SWAP70: variants seen among roughly 807,000 people sequenced by gnomAD.
The protein encoded by SWAP70 is switching B cell complex subunit SWAP70.
Under a neutral mutation model 80.2 loss-of-function variants are expected in SWAP70, and 34 were observed. The observed-to-expected ratio is 0.42, with a 90% confidence interval of 0.32 to 0.56. SWAP70 has a LOEUF of 0.56. Ranked by LOEUF, SWAP70 falls within the 20% of genes least tolerant of loss-of-function variation. SWAP70 has a pLI of 0.09. For missense variants in SWAP70, 578 were observed against 690.7 expected (o/e 0.84, Z 1.83); for synonymous variants, 239 against 238.5 (o/e 1.00, Z -0.02).
chr11:9,707,411 G>C (rs984878947), intron 2 of SWAP70, among the ~76,000 whole-genome samples: 11 of 133,656 alleles, frequency 8.2e-5, no homozygotes, highest in African/African-American at 2.2e-4. Flanking sequence ...GAATCATGCT[G>C]TATTTGTCTT....
At chr11:9,671,942 A>G (rs1807877924) in intron 1 of SWAP70, among the ~76,000 whole-genome samples, 1 of 110,350 alleles carries the variant, frequency 9.1e-6, no homozygotes, top group Non-Finnish European at 1.6e-5. Flanking sequence ...TTTATAATAT[A>G]TTTTATAATA....
Position 9,699,453 on chromosome 11 carries a change from G to A in SWAP70, c.240+5167G>A, listed in dbSNP as rs992861357. Among the ~76,000 whole-genome samples the A allele has an allele frequency of 2.0e-5, 3 of 151,708 alleles. No homozygotes were observed. In the East Asian group the frequency reaches 5.8e-4, roughly 29 times the overall value. On this transcript the variant is annotated intron_variant, in intron 2 of 11. Transcript: ENST00000318950. Reference sequence around the variant, plus strand: ...TTTGTGTTCTATAGTTTTATTATATGTAAATATGTCTAATATGTCAAATAT... The same window carrying A: ...TTTGTGTTCTATAGTTTTATTATATATAAATATGTCTAATATGTCAAATAT...
intron 1 of SWAP70, among the ~76,000 whole-genome samples, chr11:9,683,099 T>A (rs1850587982): frequency 6.6e-6 from 1 of 152,216 alleles, no homozygotes; most frequent in African/African-American, 2.4e-5. Flanking sequence ...TTTGAAGAAC[T>A]TAGAAACTAT....
intron 4 of SWAP70, among the ~76,000 whole-genome samples, chr11:9,727,660 C>G (rs1358121095): frequency 6.6e-6 from 1 of 152,136 alleles, no homozygotes; most frequent in Non-Finnish European, 1.5e-5. Context: ...CTAATCCTAC[C>G]CCACCTACTT....
chr11:9,737,819 C>T (rs1282777302), intron 7 of SWAP70, among the ~76,000 whole-genome samples: 9 of 152,228 alleles, frequency 5.9e-5, no homozygotes, highest in Non-Finnish European at 4.4e-5. Flanking sequence ...TCACTTGAAC[C>T]TGGGAGGTGG....
chr11:9,734,760 C>T (rs1358431383), intron 7 of SWAP70, among the ~76,000 whole-genome samples: 3 of 152,112 alleles, frequency 2.0e-5, no homozygotes, highest in Non-Finnish European at 4.4e-5. Context: ...GTAGCTGGGA[C>T]TACAGGTGTG....
chr11:9,738,368 G>A, intron 8 of SWAP70, 48 bp downstream of exon 8: 1 of 1,471,758 alleles, frequency 6.8e-7, no homozygotes, highest in African/African-American at 1.4e-5. Flanking sequence ...CTCAGCCTGG[G>A]TCGGTGGGAA....
rs770528360 is a variant in SWAP70 at position 9,664,221 on chromosome 11, C to T, written c.42C>T (p.His14=). 4 of 1,594,464 alleles carry T rather than the reference C, an allele frequency of 2.5e-6. No homozygotes were observed. The highest frequency in any genetic ancestry group is 2.3e-5 in the South Asian group (2 of 87,650). Residue 14 remains histidine (H), a synonymous_variant, in exon 1 of 12, where the codon CAC becomes CAT. Coordinates refer to ENST00000318950, the MANE Select transcript of SWAP70 (RefSeq NM_015055.4). ...AGGAGCTGCTCAAAGCCATCTGGCA[C>T]GCCTTCACCGCACTCGACCAGGACC... The part of the protein sequence containing the change: ...LKEELLKAIW[H]AFTALDQDHS...
intron 2 of SWAP70, among the ~76,000 whole-genome samples, chr11:9,698,267 A>C (rs1850786330): frequency 6.6e-6 from 1 of 151,616 alleles, no homozygotes; most frequent in African/African-American, 2.4e-5. Flanking sequence ...CGCCTGGCTG[A>C]TTTTTGCATT....
chr11:9,668,557 T>G (rs1850336576), intron 1 of SWAP70, among the ~76,000 whole-genome samples: 1 of 152,208 alleles, frequency 6.6e-6, no homozygotes, highest in South Asian at 2.1e-4. Context: ...AGTTTTTGCC[T>G]TAATTTGTTG....
At chr11:9,725,559 ATATATATATAT>A (rs1564829532) in intron 4 of SWAP70, among the ~76,000 whole-genome samples, 2 of 11,850 alleles carry the variant, frequency 1.7e-4, no homozygotes, top group African/African-American at 6.7e-4. Flanking sequence ...ATATATATAT[ATATATATATAT>A]TTTTTTTTTT....
In SWAP70 at chr11:9,713,685, A is replaced by G. The variant is rs994046619; in HGVS notation, c.414+46A>G. The G allele has an allele frequency of 1.9e-6, 3 of 1,570,416 alleles. No individual in the cohort carries two copies. In the African/African-American group the frequency reaches 4.1e-5, roughly 21 times the overall value. On this transcript the variant is annotated intron_variant, in intron 3 of 11. Coordinates refer to ENST00000318950, the MANE Select transcript of SWAP70 (RefSeq NM_015055.4). ...TTTTTACTTGGTCATTTTAGCATTT[A>G]ATAGACCTGGCTTGGTATTTTTTCT...
At chr11:9,664,309 G>A in intron 1 of SWAP70, 31 bp downstream of exon 1, 1 of 1,419,914 alleles carries the variant, frequency 7.0e-7, no homozygotes, top group Non-Finnish European at 9.4e-7. Context: ...CCCCCCACCC[G>A]ACCCTCCCCG....
At chr11:9,722,379 C>T (rs1338108570) in intron 3 of SWAP70, among the ~76,000 whole-genome samples, 12 of 152,174 alleles carry the variant, frequency 7.9e-5, no homozygotes, top group Non-Finnish European at 7.3e-5. Flanking sequence ...AGTGAAAATA[C>T]GTTAAGTGCA....
chr11:9,744,119 C>A (rs367700174), intron 9 of SWAP70, among the ~76,000 whole-genome samples: 1 of 152,054 alleles, frequency 6.6e-6, no homozygotes, highest in African/African-American at 2.4e-5. Context: ...CCTGCCACCA[C>A]GCCCAGCTAA....
chr11:9,685,102 C>T (rs892602182), intron 1 of SWAP70, among the ~76,000 whole-genome samples: 1 of 151,498 alleles, frequency 6.6e-6, no homozygotes, highest in African/African-American at 2.4e-5. Context: ...CTTTGTTGTC[C>T]ATTAGGGTGA....
intron 7 of SWAP70, among the ~76,000 whole-genome samples, chr11:9,733,154 A>T (rs118077862): frequency 1.8e-4 from 27 of 152,302 alleles, no homozygotes; most frequent in Non-Finnish European, 3.7e-4. Flanking sequence ...TTAAAGATAC[A>T]GTCTGGGTCA....
At chr11:9,699,758 A>G (rs2134454061) in intron 2 of SWAP70, among the ~76,000 whole-genome samples, 1 of 152,086 alleles carries the variant, frequency 6.6e-6, no homozygotes, top group African/African-American at 2.4e-5. Flanking sequence ...TGAGAGACTG[A>G]GGTGGGAGGA....
intron 2 of SWAP70, among the ~76,000 whole-genome samples, chr11:9,707,555 TTC>T (rs869177020): frequency 0.13 from 11,917 of 91,584 alleles, 921 homozygotes; most frequent in African/African-American, 0.24. Flanking sequence ...TCTTTTTCTT[TTC>T]TTTTTTTTTT....
Sources: gnomAD v4.1 joint callset for allele counts (sites outside exome capture counted in the v4.1 genomes callset) on GRCh38, gnomAD v4.1.1 for gene constraint, MANE v1.5 for transcripts, NCBI Gene and HGNC (gene_info 2026-07-23, HGNC 2026-07-21) for gene names.